GRB7: variants seen among roughly 807,000 people sequenced by gnomAD.
GRB7 encodes growth factor receptor-bound protein 7.
GRB7 carries 47 observed loss-of-function variants against 64.1 expected under a neutral mutation model. The ratio of observed to expected loss-of-function variants is 0.73; its 90% CI spans 0.58 to 0.94. The LOEUF is 0.94. Ranked by LOEUF, GRB7 falls within the 40% of genes least tolerant of loss-of-function variation. The pLI, the probability that GRB7 is intolerant of heterozygous loss-of-function variation, is 0.00. For synonymous variants in GRB7, 277 were observed against 279.9 expected, an observed-to-expected ratio of 0.99 and a Z score of 0.10; for missense variants, 634 against 718.4, an observed-to-expected ratio of 0.88 and a Z score of 1.34.
Position 39,745,798 on chromosome 17 carries a change from G to C in GRB7, c.1270+10G>C, listed in dbSNP as rs185133474. Reference sequence around the variant, plus strand: ...ACGAGCCTCAGTGCAGGTGGGTGACGGCCCCGAGTCCTGGGGCGGGGGCTG... The same window carrying C: ...ACGAGCCTCAGTGCAGGTGGGTGACCGCCCCGAGTCCTGGGGCGGGGGCTG... On this transcript the variant is annotated intron_variant, in intron 12 of 14. Coordinates refer to ENST00000309156, the MANE Select transcript of GRB7 (RefSeq NM_005310.5). The C allele has an allele frequency of 5.6e-6, 9 of 1,613,790 alleles. No individual in the cohort carries two copies. In the African/African-American group the frequency reaches 8.0e-5, roughly 14 times the overall value.
intron 1 of GRB7, chr17:39,740,065 C>T (rs2143390191): frequency 1.0e-6 from 1 of 985,550 alleles, no homozygotes; most frequent in Non-Finnish European, 1.2e-6. Context: ...ACTGCCCTCC[C>T]GAATTCTCTG....
intron 6 of GRB7, 86 bp downstream of exon 6, chr17:39,743,556 T>A (rs1034556195): frequency 1.8e-5 from 19 of 1,081,832 alleles, no homozygotes; most frequent in Non-Finnish European, 2.0e-5. Flanking sequence ...GTGCCTCCCC[T>A]CTATGTTGTA....
Position 39,744,547 on chromosome 17 carries a change from G to T in GRB7, c.802-6G>T. 6.2e-7 allele frequency: 1 copy of T among 1,601,318 alleles called. No homozygotes were observed. Among genetic ancestry groups the T allele is most frequent in the South Asian group, 1.1e-5 (1 of 88,974 alleles). ...GTACCAAGTCCTGCTCACTCATGCT[G>T]CTTAGGATCCGAGGCACCTGCAGTA... is the stretch of plus-strand genomic sequence containing the variant. On this transcript the variant is annotated splice_polypyrimidine_tract_variant and splice_region_variant and intron_variant, in intron 7 of 14. Coordinates refer to ENST00000309156, the MANE Select transcript of GRB7 (RefSeq NM_005310.5).
chr17:39,746,725 C>G, intron 14 of GRB7, 26 bp from the exon 15 acceptor site: 1 of 1,609,614 alleles, frequency 6.2e-7, no homozygotes, highest in Non-Finnish European at 8.5e-7. Flanking sequence ...CCTCCCTGAA[C>G]TTCCACCCCC....
At chr17:39,739,808 A>T (rs2059980222) in intron 1 of GRB7, among the ~76,000 whole-genome samples, 1 of 152,086 alleles carries the variant, frequency 6.6e-6, no homozygotes, top group Non-Finnish European at 1.5e-5. Context: ...GGTGTTTCCA[A>T]CCGAAGCTTT....
intron 6 of GRB7, 40 bp from the exon 7 acceptor site, chr17:39,744,030 G>T (rs1330516754): frequency 6.2e-7 from 1 of 1,611,706 alleles, no homozygotes; most frequent in South Asian, 1.1e-5. Context: ...GAAGGGAGGA[G>T]GTCAGACCTG....
rs752057653 is a variant in GRB7, at chr17:39,742,676, G to C, written c.266G>C (p.Ser89Thr). ...SQSPILGGPS[S>T]ARGLLPRDAS... ...AGCCCAATTCTCGGGGGCCCCTCCA[G>C]TGCAAGGGGGCTGCTCCCCCGCGAT... Residue 89 changes from serine to threonine, a missense_variant, in exon 3 of 15, where the codon AGT becomes ACT. Coordinates refer to ENST00000309156, the MANE Select transcript of GRB7 (RefSeq NM_005310.5). 4 of 1,593,974 alleles carry C rather than the reference G, an allele frequency of 2.5e-6. No homozygotes were observed.
At chr17:39,745,643 G>A in intron 11 of GRB7, 85 bp from the exon 12 acceptor site, 1 of 1,567,382 alleles carries the variant, frequency 6.4e-7, no homozygotes, top group Non-Finnish European at 8.8e-7. Context: ...GCCCCTGGCT[G>A]GGAAGAAGTG....
At chr17:39,745,826 T>C (rs1276547726) in intron 12 of GRB7, 38 bp downstream of exon 12, 3 of 1,613,390 alleles carry the variant, frequency 1.9e-6, no homozygotes, top group South Asian at 2.2e-5. Flanking sequence ...GGGGGCTGCC[T>C]CAACTTCTCT....
In GRB7 at chr17:39,742,425, T is replaced by A; in HGVS notation, c.124T>A (p.Ser42Thr). Reference protein sequence around the residue: ...DTPLPEEVKRSQPLLIPTTGR... With the variant: ...DTPLPEEVKRTQPLLIPTTGR... ...CCCTCTGCCTGAGGAGGTAAAGAGG[T>A]CCCAGCCTCTCCTCATCCCAACCAC... Residue 42 changes from serine to threonine, a missense_variant, in exon 2 of 15, where the codon TCC becomes ACC. Physicochemically the swap from Ser to Thr is moderately conservative, Grantham distance 58. Around this residue, in one of 2 missense-constraint regions of GRB7, gnomAD observed 167 missense variants for 141.9 expected, o/e 1.18. Coordinates refer to ENST00000309156, the MANE Select transcript of GRB7 (RefSeq NM_005310.5). 6.2e-7 allele frequency: 1 copy of A among 1,613,768 alleles called. No homozygotes were observed. The highest frequency in any genetic ancestry group is 8.5e-7 in the Non-Finnish European group (1 of 1,179,956).
Position 39,746,201 on chromosome 17 carries a change from C to T in GRB7, c.1451C>T (p.Pro484Leu), listed in dbSNP as rs956735417. The change falls in exon 14 of 15, where the codon CCG becomes CTG. Residue 484 changes from proline to leucine, a missense_variant and splice_region_variant. Transcript: ENST00000309156. ...LQKVKHYLIL[P>L]SEEEGRLYFS... ...AAAGTGAAGCATTATCTCATCCTGC[C>T]GGTGAGCTTCCCTGCGTCCCCGGAG... 2.4e-5 allele frequency: 39 copies of T among 1,612,264 alleles called. No homozygotes were observed. The highest frequency in any genetic ancestry group is 1.3e-4 in the African/African-American group (10 of 74,834).
Position 39,742,880 on chromosome 17 carries a change from G to A in GRB7, c.307-18G>A. 6.4e-7 allele frequency: 1 copy of A among 1,566,728 alleles called. No homozygotes were observed. Among genetic ancestry groups the A allele is most frequent in the Non-Finnish European group, 8.7e-7 (1 of 1,152,664 alleles). ...CCCTTTGCCTCCCCTCAAGTCGTGT[G>A]CAATTCCTGGGGCGCAGGTAGTAAA... On this transcript the variant is annotated intron_variant, in intron 3 of 14. Transcript: ENST00000309156.
rs2060002730 is a variant in GRB7, at chr17:39,742,393, CT to C, written c.93del (p.Asp32IlefsTer8). 1 of 1,613,938 alleles carries C rather than the reference CT, an allele frequency of 6.2e-7. No homozygotes were observed. The highest frequency in any genetic ancestry group is 1.3e-5 in the African/African-American group (1 of 74,922). ...ACCCCTCCTGGGACTCCCCGGCCCC[CT>C]GATACCCCTCTGCCTGAGGAGGTAA... is the stretch of plus-strand genomic sequence containing the variant. ...PGTPPGTPRP[P>X]DTPLPEEVKR... On this transcript the variant is annotated frameshift_variant, in exon 2 of 15. Coordinates refer to ENST00000309156, the MANE Select transcript of GRB7 (RefSeq NM_005310.5). LOFTEE classifies it high-confidence loss of function.
chr17:39,744,306 GC>G (rs1390303545), intron 7 of GRB7, 99 bp downstream of exon 7: 25 of 1,421,556 alleles, frequency 1.8e-5, no homozygotes, highest in Non-Finnish European at 2.2e-5. Context: ...CTCCCCCTGG[GC>G]CCCCCAGGCC....
At position 39,746,151 on chromosome 17, in the gene GRB7, TG is replaced by T; in HGVS notation, c.1402del (p.Val468SerfsTer10). The T allele has an allele frequency of 6.2e-7, 1 of 1,614,100 alleles. No individual in the cohort carries two copies. Among genetic ancestry groups the T allele is most frequent in the Non-Finnish European group, 8.5e-7 (1 of 1,179,986 alleles). On this transcript the variant is annotated frameshift_variant, in exon 14 of 15. Coordinates refer to ENST00000309156, the MANE Select transcript of GRB7 (RefSeq NM_005310.5). LOFTEE classifies it high-confidence loss of function. Reference protein sequence around the residue: ...RESQRNPQGFVLSLCHLQKVK... With the variant: ...RESQRNPQGFXLSLCHLQKVK... ...AGAGTCAGCGGAACCCCCAGGGCTTTGTCCTCTCTTTGTGCCACCTGCAGAA... is the reference window on the plus strand; with the variant it reads ...AGAGTCAGCGGAACCCCCAGGGCTTTTCCTCTCTTTGTGCCACCTGCAGAA...
Position 39,739,999 on chromosome 17 carries a change from G to C in GRB7, c.-51+1866G>C, listed in dbSNP as rs1167853429. ...CCCCAGCCTTGGACTGGCCCTCTCT[G>C]ATCTCTGAGGCCAGGCTCTAATGTG... On this transcript the variant is annotated intron_variant, in intron 1 of 14. Coordinates refer to ENST00000309156, the MANE Select transcript of GRB7 (RefSeq NM_005310.5). 9.1e-6 allele frequency: 9 copies of C among 985,446 alleles called. No homozygotes were observed. In the African/African-American group the frequency reaches 1.4e-4, roughly 15 times the overall value. The allele number at this position is 985,446 out of a possible 1,614,324, so 61.0% of individuals were successfully genotyped here.
intron 14 of GRB7, among the ~76,000 whole-genome samples, chr17:39,746,446 A>G (rs554633433): frequency 6.6e-6 from 1 of 152,054 alleles, no homozygotes; most frequent in East Asian, 1.9e-4. Context: ...GGGAGACCCC[A>G]TCTCTACAAA....
At position 39,747,229 on chromosome 17, in the gene GRB7, G is replaced by A. The variant is rs2060056699; in HGVS notation, c.*332G>A. 5.8e-6 allele frequency: 2 copies of A among 346,534 alleles called. No homozygotes were observed. The highest frequency in any genetic ancestry group is 4.2e-5 in the African/African-American group (2 of 47,656). The allele number at this position is 346,534 out of a possible 1,614,324, so 21.5% of individuals were successfully genotyped here. A position where few individuals can be genotyped will look rare whatever the true frequency, so the allele number is the denominator to read the frequency against. ...GCCCCACACTTTGTACAGACCGAGA[G>A]GCCAGTTGATCTGCTCTGTTTTATA... On this transcript the variant is annotated 3_prime_UTR_variant, in exon 15 of 15. Transcript: ENST00000309156.
rs1435091075 is a variant in GRB7, at chr17:39,742,256, A to C, written c.-46A>C. ...TCTCTCATCCCCTCTCCCCAGGACA[A>C]GGGCACACAACTGGTTCCGTTAAGC... On this transcript the variant is annotated 5_prime_UTR_variant, in exon 2 of 15. Transcript: ENST00000309156. 2 of 1,611,078 alleles carry C rather than the reference A, an allele frequency of 1.2e-6. No homozygotes were observed. The highest frequency in any genetic ancestry group is 2.7e-5 in the African/African-American group (2 of 74,818).
Sources: allele counts gnomAD v4.1 joint callset (sites outside exome capture counted in the v4.1 genomes callset), GRCh38; gene constraint gnomAD v4.1.1; regional missense constraint gnomAD v4.1.1; transcripts MANE v1.5; gene names NCBI Gene and HGNC (gene_info 2026-07-23, HGNC 2026-07-21).